TPRX1: variants seen among roughly 807,000 people sequenced by gnomAD.
The protein encoded by TPRX1 is tetra-peptide repeat homeobox protein 1.
A neutral mutation model predicts 8.1 loss-of-function variants in TPRX1; 2 were observed. The ratio of observed to expected loss-of-function variants is 0.25; its 90% CI spans 0.10 to 0.78. The LOEUF is 0.78. Ranked by LOEUF, TPRX1 falls within the 30% of genes least tolerant of loss-of-function variation. The probability of loss-of-function intolerance (pLI) is 0.70; values close to 1 mark genes in which losing one functional copy is unlikely to be tolerated. For missense variants in TPRX1, 517 were observed against 586.9 expected (o/e 0.88, Z 1.23); for synonymous variants, 257 against 254.1 (o/e 1.01, Z -0.11).
At chr19:47,802,768 C>T (rs1486366432) in exon 4 of TPRX1, 2 of 1,606,032 alleles carry the variant, frequency 1.2e-6, no homozygotes, top group African/African-American at 2.7e-5. Context: ...GGGCTCTGCA[C>T]CCAGGGCCAC....
intron 2 of TPRX1, among the ~76,000 whole-genome samples, chr19:47,816,816 G>A (rs113649442): frequency 0.015 from 2,347 of 152,302 alleles, 70 homozygotes; most frequent in African/African-American, 0.053. Context: ...ACAGGCGTGA[G>A]CCACCACGCC....
intron 2 of TPRX1, among the ~76,000 whole-genome samples, chr19:47,816,764 C>A (rs565526564): frequency 1.7e-3 from 256 of 151,360 alleles, no homozygotes; most frequent in Non-Finnish European, 3.2e-3. Context: ...GATCTCCTGA[C>A]CTCGTGATCT....
intron 2 of TPRX1, among the ~76,000 whole-genome samples, chr19:47,804,822 C>T (rs995324455): frequency 6.6e-6 from 1 of 152,154 alleles, no homozygotes; most frequent in African/African-American, 2.4e-5. Context: ...GCATTCCATG[C>T]GGGTTTGGTT....
chr19:47,809,812 A>T (rs1967766421), intron 2 of TPRX1, among the ~76,000 whole-genome samples: 2 of 152,044 alleles, frequency 1.3e-5, no homozygotes, highest in Non-Finnish European at 2.9e-5. Flanking sequence ...TCAGGGTTGG[A>T]TGGAATTTCT....
Position 47,813,165 on chromosome 19 carries a change from C to A in TPRX1, c.151+5303G>T, listed in dbSNP as rs1043000945. ...TAATAATAAATAAAACAACCCCCCC[C>A]ACCCCGCCAAAATTAGCCAGGCGGA... On this transcript the variant is annotated intron_variant, in intron 2 of 3. Coordinates refer to ENST00000535759, the Ensembl canonical transcript of TPRX1. 6.1e-5 allele frequency among the ~76,000 whole-genome samples: 8 copies of A among 130,972 alleles called. 1 individual carries two copies. The East Asian group carries it at 6.2e-4, about 10-fold the overall frequency. 85.9% of individuals were successfully genotyped at this position (130,972 alleles called of 152,430 possible).
Position 47,818,246 on chromosome 19 carries a change from CCCATCCAT to C in TPRX1, c.151+214_151+221del, listed in dbSNP as rs756906028. 2.7e-3 allele frequency among the ~76,000 whole-genome samples: 344 copies of C among 129,624 alleles called. 5 individuals carry two copies. Among genetic ancestry groups the C allele is most frequent in the South Asian group, 0.014 (54 of 3,886 alleles). The allele number at this position is 129,624 out of a possible 152,430, so 85.0% of individuals were successfully genotyped here. A position where few individuals can be genotyped will look rare whatever the true frequency, so the allele number is the denominator to read the frequency against. ...CATCCATCCATCCACCCATCCATCA[CCCATCCAT>C]CCATCCATCCATCCATCCATCCATC... On this transcript the variant is annotated intron_variant, in intron 2 of 3. Coordinates refer to ENST00000535759, the Ensembl canonical transcript of TPRX1.
exon 4 of TPRX1, chr19:47,802,590 C>T: frequency 6.4e-7 from 1 of 1,550,526 alleles, no homozygotes; most frequent in Non-Finnish European, 8.7e-7. Flanking sequence ...TGGACTGGGC[C>T]TGAAATTGGG....
chr19:47,806,459 G>T (rs560938163), intron 2 of TPRX1, among the ~76,000 whole-genome samples: 1 of 151,566 alleles, frequency 6.6e-6, no homozygotes, highest in South Asian at 2.1e-4. Context: ...GGCAGAGGTT[G>T]CAGGGAGCTG....
At chr19:47,802,429 C>G (rs771439746) in exon 4 of TPRX1, 7 of 1,240,522 alleles carry the variant, frequency 5.6e-6, no homozygotes, top group Admixed American at 5.1e-5. Context: ...GGCCTGGGAT[C>G]GGGCCTGAGA....
intron 2 of TPRX1, among the ~76,000 whole-genome samples, chr19:47,814,853 G>A (rs922872740): frequency 1.3e-5 from 2 of 151,976 alleles, no homozygotes; most frequent in Non-Finnish European, 2.9e-5. Flanking sequence ...AGGCTGGAGT[G>A]CAATGGTGTG....
In TPRX1 at chr19:47,815,554, ATCCCAGCACTTTGGGAG is replaced by A. The variant is rs552303620; in HGVS notation, c.151+2897_151+2913del. On this transcript the variant is annotated intron_variant, in intron 2 of 3. Transcript: ENST00000535759. ...CCAGGCCCAGTGGCTCATGCCTGTA[ATCCCAGCACTTTGGGAG>A]GCCCAGGCAGGAGGATCACTTGAGA... Among the ~76,000 whole-genome samples the A allele has an allele frequency of 8.8e-5, 13 of 147,360 alleles. No homozygotes were observed. The South Asian group carries it at 2.9e-3, about 33-fold the overall frequency.
At chr19:47,815,114 TTATATATATATATATA>T (rs548380113) in intron 2 of TPRX1, among the ~76,000 whole-genome samples, 43 of 63,362 alleles carry the variant, frequency 6.8e-4, no homozygotes, top group Non-Finnish European at 8.5e-4. Context: ...AATAGATAAA[TTATATATATATATATA>T]TATATATATA....
At chr19:47,808,104 A>G (rs1164954181) in intron 2 of TPRX1, among the ~76,000 whole-genome samples, 3 of 151,718 alleles carry the variant, frequency 2.0e-5, no homozygotes, top group Non-Finnish European at 4.4e-5. Flanking sequence ...TAATTTTCTT[A>G]TTTTATTTTA....
exon 4 of TPRX1, chr19:47,801,610 A>G (rs556596607): frequency 1.8e-5 from 14 of 795,788 alleles, no homozygotes; most frequent in Non-Finnish European, 2.5e-5. Flanking sequence ...AGGCAGGCAC[A>G]TTCACAGCAG....
intron 2 of TPRX1, among the ~76,000 whole-genome samples, chr19:47,815,881 A>G (rs1196359094): frequency 6.6e-6 from 1 of 152,004 alleles, no homozygotes; most frequent in Non-Finnish European, 1.5e-5. Flanking sequence ...AATATCAACA[A>G]AAGCTCTTTG....
chr19:47,803,963 C>T (rs1034045252), intron 2 of TPRX1, among the ~76,000 whole-genome samples: 1 of 151,934 alleles, frequency 6.6e-6, no homozygotes, highest in Non-Finnish European at 1.5e-5. Context: ...GCCCCGTCCC[C>T]TCCCATCCAA....
At chr19:47,801,867 T>C (rs750708783) in exon 4 of TPRX1, 3 of 1,614,000 alleles carry the variant, frequency 1.9e-6, no homozygotes, top group African/African-American at 2.7e-5. Context: ...TTTTTGCCCA[T>C]AGAGTCATCC....
exon 4 of TPRX1, chr19:47,801,479 A>G (rs2123708853): frequency 3.2e-6 from 1 of 312,026 alleles, no homozygotes; most frequent in East Asian, 5.9e-5. Flanking sequence ...GATGCTGACC[A>G]TCAGAAGCCC....
At chr19:47,810,143 T>G (rs899772181) in intron 2 of TPRX1, among the ~76,000 whole-genome samples, 2 of 145,062 alleles carry the variant, frequency 1.4e-5, no homozygotes, top group African/African-American at 5.1e-5. Context: ...TAATCCCAGC[T>G]ACTTGGGAGG....
Sources: allele counts gnomAD v4.1 joint callset (sites outside exome capture counted in the v4.1 genomes callset), GRCh38; gene constraint gnomAD v4.1.1; transcripts MANE v1.5; gene names NCBI Gene and HGNC (gene_info 2026-07-23, HGNC 2026-07-21).